METTL15: variants seen among roughly 807,000 people sequenced by gnomAD.
METTL15 encodes the protein 12S rRNA N(4)-cytidine methyltransferase METTL15.
In METTL15, 34 loss-of-function variants were observed where a neutral mutation model predicts 38.3. The observed-to-expected ratio is 0.89, with a 90% CI of 0.68 to 1.18. The LOEUF (loss-of-function observed/expected upper bound fraction) is 1.18, where lower values mean the gene tolerates loss of function less well. Ranked by LOEUF, METTL15 falls within the 50% of genes most tolerant of loss-of-function variation. METTL15 has a pLI of 0.00. For synonymous variants in METTL15, 162 were observed against 170.9 expected (o/e 0.95, Z 0.41); for missense variants, 438 against 498.4 (o/e 0.88, Z 1.15).
At chr11:28,162,632 C>G (rs12794783) in intron 3 of METTL15, among the ~76,000 whole-genome samples, 9 of 152,044 alleles carry the variant, frequency 5.9e-5, no homozygotes, top group Non-Finnish European at 1.2e-4. Flanking sequence ...TATACTTAAC[C>G]TACTGAACAT....
At chr11:28,293,898 A>G (rs948716825) in intron 5 of METTL15, among the ~76,000 whole-genome samples, 18 of 152,156 alleles carry the variant, frequency 1.2e-4, no homozygotes, top group Admixed American at 5.2e-4. Context: ...ATTTTTGCAC[A>G]TTGATTTTAT....
chr11:28,309,567 G>T (rs1174129308), intron 6 of METTL15, among the ~76,000 whole-genome samples: 1 of 152,142 alleles, frequency 6.6e-6, no homozygotes, highest in Non-Finnish European at 1.5e-5. Context: ...CCATGGTCCA[G>T]ATTTTTATCA....
intron 6 of METTL15, among the ~76,000 whole-genome samples, chr11:28,515,570 T>TA (rs1851713150): frequency 6.6e-6 from 1 of 152,208 alleles, no homozygotes; most frequent in African/African-American, 2.4e-5. Flanking sequence ...AAAACTTTAT[T>TA]AAAACACAGT....
intron 4 of METTL15, among the ~76,000 whole-genome samples, chr11:28,288,666 G>A (rs983171728): frequency 2.0e-4 from 31 of 152,078 alleles, no homozygotes; most frequent in Non-Finnish European, 4.0e-4. Flanking sequence ...CTACCAGAGT[G>A]GGGAGGGTGG....
chr11:28,334,651 A>C (rs184209805), downstream of METTL15, among the ~76,000 whole-genome samples: 2 of 152,282 alleles, frequency 1.3e-5, no homozygotes, highest in East Asian at 3.9e-4. Context: ...TATAACAAAC[A>C]CAGCTATTTT....
At chr11:28,362,688 G>A (rs1315589511) in intron 5 of METTL15, among the ~76,000 whole-genome samples, 2 of 152,116 alleles carry the variant, frequency 1.3e-5, no homozygotes, top group African/African-American at 2.4e-5. Flanking sequence ...TATTGCACAA[G>A]GGGCATGATT....
intron 6 of METTL15, among the ~76,000 whole-genome samples, chr11:28,316,195 A>G (rs1470959007): frequency 2.6e-5 from 4 of 152,232 alleles, no homozygotes; most frequent in African/African-American, 7.2e-5. Flanking sequence ...GAGCAGGGCT[A>G]TACCCTGCAA....
At chr11:28,354,224 G>A (rs951105296) in intron 4 of METTL15, among the ~76,000 whole-genome samples, 28 of 152,130 alleles carry the variant, frequency 1.8e-4, no homozygotes, top group African/African-American at 5.3e-4. Flanking sequence ...CAAAATATCT[G>A]CAGAGCACAC....
intron 5 of METTL15, among the ~76,000 whole-genome samples, chr11:28,397,847 C>T (rs1850587833): frequency 6.6e-6 from 1 of 152,104 alleles, no homozygotes; most frequent in African/African-American, 2.4e-5. Flanking sequence ...CCCAGATGTC[C>T]ATCAATGATA....
At chr11:28,308,488 T>G (rs1857156035) in intron 6 of METTL15, among the ~76,000 whole-genome samples, 1 of 152,172 alleles carries the variant, frequency 6.6e-6, no homozygotes, top group Non-Finnish European at 1.5e-5. Flanking sequence ...TTGTTAATTT[T>G]TTTAATTGAC....
At chr11:28,416,584 T>G (rs1328067873) in intron 5 of METTL15, among the ~76,000 whole-genome samples, 1 of 152,200 alleles carries the variant, frequency 6.6e-6, no homozygotes, top group Non-Finnish European at 1.5e-5. Flanking sequence ...AAACCAGGTA[T>G]AGGTGAATTG....
chr11:28,147,664 T>C (rs1849933393), intron 3 of METTL15, among the ~76,000 whole-genome samples: 1 of 151,756 alleles, frequency 6.6e-6, no homozygotes, highest in Non-Finnish European at 1.5e-5. Flanking sequence ...TATCCCTAAG[T>C]TCTGATGAGA....
chr11:28,294,032 A>G (rs538335200), intron 5 of METTL15, among the ~76,000 whole-genome samples: 4 of 152,154 alleles, frequency 2.6e-5, no homozygotes, highest in South Asian at 4.2e-4. Context: ...TCTTTTCCTA[A>G]TGAATACCCT....
intron 4 of METTL15, among the ~76,000 whole-genome samples, chr11:28,260,479 T>A (rs1222935404): frequency 6.6e-6 from 1 of 152,178 alleles, no homozygotes; most frequent in East Asian, 1.9e-4. Flanking sequence ...CCCACTAGAA[T>A]TGCAGCTGTC....
intron 6 of METTL15, among the ~76,000 whole-genome samples, chr11:28,441,521 A>T (rs77748037): frequency 0.027 from 4,028 of 151,892 alleles, 107 homozygotes; most frequent in South Asian, 0.13. Flanking sequence ...GTCACCTTAA[A>T]CTCATCATAT....
intron 3 of METTL15, among the ~76,000 whole-genome samples, chr11:28,344,432 A>G (rs1439894175): frequency 6.6e-6 from 1 of 152,194 alleles, no homozygotes; most frequent in Non-Finnish European, 1.5e-5. Flanking sequence ...GCACATGCAC[A>G]CTAATTTTGT....
intron 4 of METTL15, among the ~76,000 whole-genome samples, chr11:28,239,958 A>C (rs571519910): frequency 1.2e-4 from 18 of 152,340 alleles, no homozygotes; most frequent in East Asian, 7.7e-4. Flanking sequence ...CCATGACAGT[A>C]GGAGTATTTT....
At chr11:28,282,234 C>T (rs1402948365) in intron 4 of METTL15, among the ~76,000 whole-genome samples, 2 of 152,146 alleles carry the variant, frequency 1.3e-5, no homozygotes, top group Admixed American at 6.5e-5. Flanking sequence ...TTGGTCTCTA[C>T]CCAGATTTGT....
Position 28,413,913 on chromosome 11 carries a change from G to A in METTL15, c.*359-10386G>A, listed in dbSNP as rs148276979. On this transcript the variant is annotated intron_variant and NMD_transcript_variant, in intron 5 of 7. Transcript: ENST00000532947. ...GCAGATTTTCTAGAATTTATGTTCC[G>A]TATCATGTAGTGCAGAGTTTCTTAA... Among the ~76,000 whole-genome samples, 5 of 152,206 alleles carry A rather than the reference G, an allele frequency of 3.3e-5. No individual in the cohort carries two copies. In the East Asian group the frequency reaches 7.7e-4, roughly 24 times the overall value.
Sources: allele counts gnomAD v4.1 joint callset (sites outside exome capture counted in the v4.1 genomes callset), GRCh38; gene constraint gnomAD v4.1.1; transcripts MANE v1.5; gene names NCBI Gene and HGNC (gene_info 2026-07-23, HGNC 2026-07-21).